Variants in CUX1 observed in about 807,000 individuals in gnomAD.
CUX1 encodes the protein cut like homeobox 1.
CUX1 carries 31 observed loss-of-function variants against 158.8 expected under a neutral mutation model. The observed-to-expected ratio is 0.20, with a 90% confidence interval of 0.15 to 0.26. CUX1 has a LOEUF of 0.26. Among genes scored for constraint, CUX1 ranks in the 10% least tolerant of loss-of-function variants. The pLI is 1.00. For missense variants in CUX1, 1,589 were observed against 2,014.6 expected (o/e 0.79, Z 4.04); for synonymous variants, 879 against 862.1 (o/e 1.02, Z -0.34).
Position 101,931,822 on chromosome 7 carries a change from A to T in CUX1, c.141+15597A>T, listed in dbSNP as rs151013336. 3.0e-3 allele frequency among the ~76,000 whole-genome samples: 455 copies of T among 152,320 alleles called. 2 individuals carry two copies. Among genetic ancestry groups the T allele is most frequent in the Middle Eastern group, 0.024 (7 of 294 alleles). On this transcript the variant is annotated intron_variant, in intron 2 of 23. Coordinates refer to ENST00000292535, the MANE Select transcript of CUX1 (RefSeq NM_181552.4). ...CAGTCCCTCCCAAAGTGCTGGGATT[A>T]TAGGTGTGAGCTACCGTACCCCTCA... is the stretch of plus-strand genomic sequence containing the variant.
intron 9 of CUX1, among the ~76,000 whole-genome samples, chr7:102,162,800 G>A (rs999468511): frequency 3.9e-5 from 6 of 152,118 alleles, no homozygotes; most frequent in African/African-American, 1.4e-4. Context: ...ACAGGCATCA[G>A]CCACCATGCC....
intron 8 of CUX1, among the ~76,000 whole-genome samples, chr7:102,131,676 TTA>T (rs200328758): frequency 0.087 from 12,616 of 145,482 alleles, 671 homozygotes; most frequent in African/African-American, 0.16. Context: ...TTTTATTTAT[TTA>T]TTTTTTTTTT....
Position 101,818,106 on chromosome 7 carries a change from A to G in CUX1, c.30+437A>G, listed in dbSNP as rs186787676. 1.8e-4 allele frequency among the ~76,000 whole-genome samples: 28 copies of G among 152,368 alleles called. No individual in the cohort carries two copies. The East Asian group carries it at 5.0e-3, about 27-fold the overall frequency. Reference sequence around the variant, plus strand: ...TTCTCGCTTAACTAGGAAGAAGACTATGCGAAATATGTATTTCCGATAAGA... The same window carrying G: ...TTCTCGCTTAACTAGGAAGAAGACTGTGCGAAATATGTATTTCCGATAAGA... On this transcript the variant is annotated intron_variant, in intron 1 of 23. Transcript: ENST00000292535.
intron 2 of CUX1, among the ~76,000 whole-genome samples, chr7:102,012,505 G>A (rs143048183): frequency 6.6e-6 from 1 of 152,214 alleles, no homozygotes; most frequent in East Asian, 1.9e-4. Context: ...GCTTTTAAAG[G>A]TTGTAGCTGA....
At chr7:102,087,378 T>G (rs1828055249) in intron 4 of CUX1, among the ~76,000 whole-genome samples, 1 of 152,118 alleles carries the variant, frequency 6.6e-6, no homozygotes, top group African/African-American at 2.4e-5. Context: ...GTCAGCAGTT[T>G]TAGACCAGCC....
rs142974723 is a variant in CUX1, at chr7:102,151,530, G to A, written c.675-7030G>A. On this transcript the variant is annotated intron_variant, in intron 8 of 23. Transcript: ENST00000292535. ...GATCATGCCATTACACTCCAGCCTG[G>A]GCAACAAGAGCGAAACTCCATCTCA... is the stretch of plus-strand genomic sequence containing the variant. 3.1e-3 allele frequency among the ~76,000 whole-genome samples: 474 copies of A among 151,850 alleles called. 3 individuals carry two copies. Among genetic ancestry groups the A allele is most frequent in the African/African-American group, 0.011 (460 of 41,406 alleles).
chr7:102,143,733 G>C (rs1834717938), intron 8 of CUX1, among the ~76,000 whole-genome samples: 1 of 152,212 alleles, frequency 6.6e-6, no homozygotes, highest in African/African-American at 2.4e-5. Context: ...AGTTAGCAGA[G>C]TCTGGCATCA....
chr7:102,091,314 C>CT (rs1309572505), intron 4 of CUX1, among the ~76,000 whole-genome samples: 5 of 151,444 alleles, frequency 3.3e-5, no homozygotes, highest in East Asian at 1.9e-4. Flanking sequence ...CCTTAGCTTG[C>CT]TTTTTTTTTC....
chr7:102,216,629 ACCCC>A (rs1245899579), intron 20 of CUX1, among the ~76,000 whole-genome samples: 1 of 79,120 alleles, frequency 1.3e-5, no homozygotes, highest in African/African-American at 5.0e-5. Context: ...CCACACACAC[ACCCC>A]CACACACGCA....
Position 101,916,257 on chromosome 7 carries a change from AG to A in CUX1, c.141+35del, listed in dbSNP as rs753599865. 2.9e-6 allele frequency: 4 copies of A among 1,374,110 alleles called. No individual in the cohort carries two copies. The highest frequency in any genetic ancestry group is 4.2e-6 in the Non-Finnish European group (4 of 961,712). 85.1% of individuals were successfully genotyped at this position (1,374,110 alleles called of 1,614,324 possible). On this transcript the variant is annotated intron_variant, in intron 2 of 23. Transcript: ENST00000292535. This position sits in a 1 kb window ranked among gnomAD's most constrained non-coding sequence, Gnocchi z 4.4. ...CGCGTGACCATCGTGTTCGCTTTGA[AG>A]GGATCTTAGAATGCTGGTGCATGTT...
At chr7:102,235,969 A>G (rs577230132) in intron 22 of CUX1, among the ~76,000 whole-genome samples, 40 of 152,186 alleles carry the variant, frequency 2.6e-4, no homozygotes, top group Non-Finnish European at 5.3e-4. Flanking sequence ...GGGTTCCTTT[A>G]TAATAATAGA....
At position 102,051,654 on chromosome 7, in the gene CUX1, C is replaced by CAAAAAAAAAAAAAAAAAAAAA. The variant is rs1299911064; in HGVS notation, c.190-18670_190-18669insAAAAAAAAAAAAAAAAAAAAA. Among the ~76,000 whole-genome samples, 36 of 89,728 alleles carry CAAAAAAAAAAAAAAAAAAAAA rather than the reference C, an allele frequency of 4.0e-4. 1 individual carries two copies. The highest frequency in any genetic ancestry group is 1.4e-3 in the African/African-American group (34 of 24,968). 58.9% of individuals were successfully genotyped at this position (89,728 alleles called of 152,430 possible). A position where few individuals can be genotyped will look rare whatever the true frequency, so the allele number is the denominator to read the frequency against. On this transcript the variant is annotated intron_variant, in intron 3 of 23. Transcript: ENST00000292535. ...TGGGTGACAGAGCGAGACTCTGTCT[C>CAAAAAAAAAAAAAAAAAAAAA]AAAAAAAAAAAAAAAGGAACACAGT...
intron 20 of CUX1, among the ~76,000 whole-genome samples, chr7:102,219,668 G>A (rs1488106815): frequency 2.0e-5 from 3 of 152,174 alleles, no homozygotes; most frequent in African/African-American, 7.2e-5. Context: ...GGATGTTGTT[G>A]GGCTACTTTT....
intron 4 of CUX1, 42 bp from the exon 5 acceptor site, chr7:102,097,322 T>C: frequency 1.3e-6 from 2 of 1,581,358 alleles, no homozygotes; most frequent in Non-Finnish European, 1.7e-6. Flanking sequence ...GGGGGCCTGT[T>C]TGCTGGCCGA....
chr7:101,816,614 C>G (rs1026015327), upstream of CUX1, among the ~76,000 whole-genome samples: 167 of 144,400 alleles, frequency 1.2e-3, 1 homozygote, highest in Admixed American at 0.01. Flanking sequence ...GCCGTATTCC[C>G]GGGGAAAGTT....
At chr7:101,857,148 C>T (rs1044207601) in intron 1 of CUX1, among the ~76,000 whole-genome samples, 2 of 152,206 alleles carry the variant, frequency 1.3e-5, no homozygotes, top group African/African-American at 4.8e-5. Flanking sequence ...TTACCCCGCC[C>T]GGTGTTAGCG....
intron 2 of CUX1, among the ~76,000 whole-genome samples, chr7:102,025,060 C>T (rs1819827784): frequency 6.6e-6 from 1 of 152,146 alleles, no homozygotes; most frequent in Admixed American, 6.5e-5. Flanking sequence ...GCGCTGCCGG[C>T]ATTCCTATAG....
chr7:101,935,823 G>C (rs547138742), intron 2 of CUX1, among the ~76,000 whole-genome samples: 159 of 152,208 alleles, frequency 1.0e-3, no homozygotes, highest in Non-Finnish European at 1.6e-3. Context: ...CCAAGTGTCA[G>C]AGGGTGCACA....
chr7:102,247,800 G>C (rs937896828), intron 23 of CUX1, among the ~76,000 whole-genome samples: 1 of 152,170 alleles, frequency 6.6e-6, no homozygotes, highest in African/African-American at 2.4e-5. Context: ...CAGTCTGGGT[G>C]ACAGAACAAG....
Sources: gnomAD v4.1 joint callset for allele counts (sites outside exome capture counted in the v4.1 genomes callset) on GRCh38, gnomAD v4.1.1 for gene constraint, Gnocchi (gnomAD v3.1) non-coding constraint, MANE v1.5 for transcripts, NCBI Gene and HGNC (gene_info 2026-07-23, HGNC 2026-07-21) for gene names.